Variants in CBR4 observed in about 807,000 individuals in gnomAD.
The protein encoded by CBR4 is carbonyl reductase 4, also known as 3-oxoacyl-[acyl-carrier-protein] reductase.
Under a neutral mutation model 21.0 loss-of-function variants are expected in CBR4, and 22 were observed. The ratio of observed to expected loss-of-function variants is 1.05; its 90% CI spans 0.75 to 1.50. The LOEUF (loss-of-function observed/expected upper bound fraction) is 1.50, where lower values mean the gene tolerates loss of function less well. Ranked by LOEUF, CBR4 falls within the 40% of genes most tolerant of loss-of-function variation. The pLI is 0.00. For synonymous variants in CBR4, 100 were observed against 104.4 expected, an observed-to-expected ratio of 0.96 and a Z score of 0.26; for missense variants, 302 against 286.3, an observed-to-expected ratio of 1.05 and a Z score of -0.40.
Position 168,990,015 on chromosome 4 carries a change from A to G in CBR4, c.*135T>C. 1 of 1,284,870 alleles carries G rather than the reference A, an allele frequency of 7.8e-7. No homozygotes were observed. Among genetic ancestry groups the G allele is most frequent in the Admixed American group, 3.7e-5 (1 of 26,730 alleles). The allele number at this position is 1,284,870 out of a possible 1,614,324, so 79.6% of individuals were successfully genotyped here. A position where few individuals can be genotyped will look rare whatever the true frequency, so the allele number is the denominator to read the frequency against. ...CATTGTTCTTTTGAGACATATTTTT[A>G]TAAAGACAGAAATTAACATTTGTAG... On this transcript the variant is annotated 3_prime_UTR_variant, in exon 5 of 5. Transcript: ENST00000306193.
chr4:168,955,070 T>C (rs1199466259), intron 2 of CBR4, among the ~76,000 whole-genome samples: 1 of 152,230 alleles, frequency 6.6e-6, no homozygotes, highest in Non-Finnish European at 1.5e-5. Flanking sequence ...AAAGTAACTA[T>C]CAAATCCTAC....
At chr4:168,944,845 C>T (rs1175517293) in intron 2 of CBR4, among the ~76,000 whole-genome samples, 1 of 151,990 alleles carries the variant, frequency 6.6e-6, no homozygotes, top group African/African-American at 2.4e-5. Flanking sequence ...TACTGACTCT[C>T]ATAAATACAG....
chr4:168,921,431 C>T (rs1761492749), intron 2 of CBR4: 3 of 678,258 alleles, frequency 4.4e-6, no homozygotes, highest in Admixed American at 2.8e-5. Context: ...AAAAAAGCCA[C>T]CTCTTGTACT....
In CBR4 at chr4:169,003,658, T is replaced by C. The variant is rs140792635; in HGVS notation, c.401-1453A>G. ...TCTCACGAAATGAAGAGTCAATCAA[T>C]GTGGCAAATTTTGTCTTATTCTAAG... On this transcript the variant is annotated intron_variant, in intron 3 of 4. Transcript: ENST00000306193. Among the ~76,000 whole-genome samples, 737 of 152,270 alleles carry C rather than the reference T, an allele frequency of 4.8e-3. 6 individuals carry two copies. The highest frequency in any genetic ancestry group is 5.5e-3 in the Admixed American group (84 of 15,298).
intron 2 of CBR4, among the ~76,000 whole-genome samples, chr4:168,951,492 T>C (rs1763540332): frequency 6.6e-6 from 1 of 152,222 alleles, no homozygotes; most frequent in Non-Finnish European, 1.5e-5. Context: ...TTAAATTGTA[T>C]TTTTGTTTTA....
intron 2 of CBR4, among the ~76,000 whole-genome samples, chr4:168,914,786 A>G (rs1373473531): frequency 6.6e-6 from 1 of 152,224 alleles, no homozygotes; most frequent in African/African-American, 2.4e-5. Flanking sequence ...AAGAGAATAC[A>G]TAGTTAGCTC....
intron 2 of CBR4, chr4:168,926,435 C>G (rs1204911097): frequency 3.1e-6 from 4 of 1,293,036 alleles, no homozygotes; most frequent in Non-Finnish European, 4.3e-6. Context: ...TTGCCTTGAC[C>G]AACATATTCC....
chr4:168,924,217 T>C, intron 2 of CBR4: 2 of 1,576,630 alleles, frequency 1.3e-6, no homozygotes, highest in Non-Finnish European at 8.7e-7. Context: ...GCTCCTTTTG[T>C]ATATCATTGA....
intron 4 of CBR4, 117 bp from the exon 5 acceptor site, chr4:168,990,445 AT>A (rs985181303): frequency 7.1e-5 from 60 of 848,692 alleles, no homozygotes; most frequent in Middle Eastern, 8.2e-4. Flanking sequence ...TTAAAAAAAA[AT>A]TTTTTTTTGA....
chr4:168,919,065 C>T (rs1430668952), intron 2 of CBR4, among the ~76,000 whole-genome samples: 1 of 152,118 alleles, frequency 6.6e-6, no homozygotes, highest in Admixed American at 6.5e-5. Flanking sequence ...ACTTACCATA[C>T]TGGTTATCTC....
At chr4:168,994,673 G>C (rs935775547) in intron 4 of CBR4, among the ~76,000 whole-genome samples, 2 of 151,600 alleles carry the variant, frequency 1.3e-5, no homozygotes, top group South Asian at 2.1e-4. Context: ...CTGCCTCCCA[G>C]GTTCAAGCAA....
intron 2 of CBR4, among the ~76,000 whole-genome samples, chr4:168,956,925 T>C (rs1371156941): frequency 6.6e-6 from 1 of 152,196 alleles, no homozygotes. Context: ...TAAGAATTAG[T>C]AACATAATCA....
chr4:168,944,030 T>C (rs994863935), intron 2 of CBR4, among the ~76,000 whole-genome samples: 2 of 152,234 alleles, frequency 1.3e-5, no homozygotes, highest in Non-Finnish European at 2.9e-5. Flanking sequence ...AATCAAAGGC[T>C]AATAAATGCT....
chr4:168,950,372 A>C (rs1763506130), intron 2 of CBR4, among the ~76,000 whole-genome samples: 1 of 152,068 alleles, frequency 6.6e-6, no homozygotes, highest in Admixed American at 6.6e-5. Context: ...ACCCAAAAGC[A>C]GGTTAATTTT....
At chr4:168,917,991 G>T (rs1428713791) in intron 2 of CBR4, among the ~76,000 whole-genome samples, 4 of 152,068 alleles carry the variant, frequency 2.6e-5, no homozygotes, top group African/African-American at 9.7e-5. Flanking sequence ...ACGAGGTCAG[G>T]AGTTTGAGAC....
intron 4 of CBR4, among the ~76,000 whole-genome samples, chr4:168,995,451 AAGG>A (rs1343613962): frequency 1.3e-5 from 2 of 152,184 alleles, no homozygotes; most frequent in Non-Finnish European, 2.9e-5. Flanking sequence ...TTAGACAGGC[AAGG>A]AGACCTAAGC....
At chr4:168,975,723 G>A (rs1009174879) in intron 2 of CBR4, among the ~76,000 whole-genome samples, 1 of 152,156 alleles carries the variant, frequency 6.6e-6, no homozygotes, top group Non-Finnish European at 1.5e-5. Context: ...GCAGGGTTAG[G>A]CAGGTCTGAG....
intron 2 of CBR4, among the ~76,000 whole-genome samples, chr4:168,968,128 C>G (rs1003028320): frequency 1.3e-5 from 2 of 152,170 alleles, no homozygotes; most frequent in Non-Finnish European, 2.9e-5. Flanking sequence ...TAAAAGTCAT[C>G]ATTTGAGGTT....
intron 2 of CBR4, among the ~76,000 whole-genome samples, chr4:168,964,478 C>T (rs72704271): frequency 0.028 from 4,267 of 152,300 alleles, 81 homozygotes; most frequent in Middle Eastern, 0.099. Flanking sequence ...CAAGCCAATG[C>T]ACCTTCTCTC....
Sources: allele counts gnomAD v4.1 joint callset (sites outside exome capture counted in the v4.1 genomes callset), GRCh38; gene constraint gnomAD v4.1.1; transcripts MANE v1.5; gene names NCBI Gene and HGNC (gene_info 2026-07-23, HGNC 2026-07-21).